The following FHOD3 variants were observed in gnomAD, a reference collection of about 807,000 sequenced individuals.
The protein encoded by FHOD3 is FH1/FH2 domain-containing protein 3.
FHOD3 carries 90 observed loss-of-function variants against 173.0 expected under a neutral mutation model. The observed-to-expected ratio is 0.52, with a 90% CI of 0.44 to 0.62. FHOD3 has a LOEUF of 0.62. Ranked by LOEUF, FHOD3 falls within the 20% of genes least tolerant of loss-of-function variation. The pLI is 0.00. For synonymous variants in FHOD3, 828 were observed against 823.0 expected (o/e 1.01, Z -0.10); for missense variants, 1,945 against 2,034.7 (o/e 0.96, Z 0.85).
intron 5 of FHOD3, among the ~76,000 whole-genome samples, chr18:36,523,229 G>T (rs2146629663): frequency 6.6e-6 from 1 of 152,330 alleles, no homozygotes; most frequent in Non-Finnish European, 1.5e-5. Flanking sequence ...GAGTCTGCAA[G>T]GCTTAAGTGA....
At chr18:36,557,629 T>G (rs1228355323) in intron 5 of FHOD3, among the ~76,000 whole-genome samples, 1 of 152,250 alleles carries the variant, frequency 6.6e-6, no homozygotes, top group East Asian at 1.9e-4. Context: ...CATAATTTCC[T>G]ACTTCTTTGC....
At chr18:36,418,263 C>T (rs2049780719) in intron 3 of FHOD3, among the ~76,000 whole-genome samples, 1 of 152,198 alleles carries the variant, frequency 6.6e-6, no homozygotes, top group Non-Finnish European at 1.5e-5. Context: ...AACAGCTTCA[C>T]ATTTTCATGT....
At chr18:36,426,416 TAAG>T (rs1216914451) in intron 3 of FHOD3, among the ~76,000 whole-genome samples, 1 of 152,102 alleles carries the variant, frequency 6.6e-6, no homozygotes, top group African/African-American at 2.4e-5. Flanking sequence ...TGATACCAGT[TAAG>T]AAGATTTGTC....
intron 3 of FHOD3, among the ~76,000 whole-genome samples, chr18:36,446,656 G>A (rs905215791): frequency 1.3e-5 from 2 of 152,114 alleles, no homozygotes; most frequent in Non-Finnish European, 2.9e-5. Context: ...GGTTGGTCCT[G>A]GAGGAAATTT....
intron 17 of FHOD3, among the ~76,000 whole-genome samples, chr18:36,706,689 TG>T (rs1248155556): frequency 2.0e-5 from 3 of 152,180 alleles, no homozygotes; most frequent in Non-Finnish European, 4.4e-5. Context: ...CCCAGATCCC[TG>T]GGGTGGTGAG....
At chr18:36,778,742 T>A (rs1258248931) in intron 28 of FHOD3, 1 of 152,204 alleles carries the variant, frequency 6.6e-6, no homozygotes, top group Non-Finnish European at 1.5e-5. Context: ...CCAGCCAGAA[T>A]AAGTTTGGCA....
At position 36,730,736 on chromosome 18, in the gene FHOD3, C is replaced by T. The variant is rs978251252; in HGVS notation, c.3508C>T (p.Pro1170Ser). 2 of 1,614,124 alleles carry T rather than the reference C, an allele frequency of 1.2e-6. No homozygotes were observed. Among genetic ancestry groups the T allele is most frequent in the East Asian group, 2.2e-5 (1 of 44,880 alleles). The change falls in exon 20 of 29, where the codon CCT (proline) becomes TCT (serine). Residue 1170 changes from proline to serine, a missense_variant. Physicochemically the swap from Pro to Ser is moderately conservative, Grantham distance 74. Around this residue, in one of 5 missense-constraint regions of FHOD3, gnomAD observed 231 missense variants for 321.9 expected, o/e 0.72. Coordinates refer to ENST00000590592, the MANE Select transcript of FHOD3 (RefSeq NM_001281740.3). ...AINIGLTVLP[P>S]PRTIKIAILN... Reference sequence around the variant, plus strand: ...CAATATTGGTCTGACGGTGCTGCCCCCTCCAAGGACGATTAAGATCGCCAT... The same window carrying T: ...CAATATTGGTCTGACGGTGCTGCCCTCTCCAAGGACGATTAAGATCGCCAT...
At chr18:36,746,244 T>C (rs1376615909) in intron 23 of FHOD3, among the ~76,000 whole-genome samples, 1 of 152,196 alleles carries the variant, frequency 6.6e-6, no homozygotes, top group Non-Finnish European at 1.5e-5. Context: ...CTGGCAACCC[T>C]CACCCACACA....
chr18:36,709,460 A>G, intron 18 of FHOD3, 69 bp downstream of exon 18: 1 of 1,511,458 alleles, frequency 6.6e-7, no homozygotes, highest in Non-Finnish European at 8.9e-7. Flanking sequence ...TGGTTCTCTA[A>G]GAGCTTGTCC....
At chr18:36,678,597 A>G (rs1436283403) in intron 14 of FHOD3, among the ~76,000 whole-genome samples, 3 of 151,368 alleles carry the variant, frequency 2.0e-5, no homozygotes, top group Non-Finnish European at 2.9e-5. Context: ...TAGTTTTTAA[A>G]ATTTTCCTTG....
intron 5 of FHOD3, among the ~76,000 whole-genome samples, chr18:36,543,027 T>A (rs897226527): frequency 1.3e-5 from 2 of 152,218 alleles, no homozygotes; most frequent in African/African-American, 4.8e-5. Flanking sequence ...CCTTCCATTA[T>A]GTGGGTGAAC....
At chr18:36,754,133 T>C (rs2042524402) in intron 24 of FHOD3, among the ~76,000 whole-genome samples, 1 of 152,236 alleles carries the variant, frequency 6.6e-6, no homozygotes, top group Non-Finnish European at 1.5e-5. Context: ...TCTACTTTAT[T>C]TTCTTCTAAG....
At chr18:36,745,475 AG>A (rs2042106407) in intron 23 of FHOD3, among the ~76,000 whole-genome samples, 1 of 152,168 alleles carries the variant, frequency 6.6e-6, no homozygotes, top group African/African-American at 2.4e-5. Flanking sequence ...GCCTCACACC[AG>A]ACACGACACT....
chr18:36,713,863 C>T (rs1293343759), intron 18 of FHOD3, among the ~76,000 whole-genome samples: 2 of 151,998 alleles, frequency 1.3e-5, no homozygotes, highest in Non-Finnish European at 2.9e-5. Context: ...ACAAATAGAA[C>T]AAATAAGACA....
In FHOD3 at chr18:36,763,200, A is replaced by ATATG. The variant is rs2042976677; in HGVS notation, c.4624+2418_4624+2419insTATG. ...TATACGCTATATATGTGTATTATAT[A>ATATG]CGTTATATATGTGTACTATACGTTA... On this transcript the variant is annotated intron_variant, in intron 27 of 28. Coordinates refer to ENST00000590592, the MANE Select transcript of FHOD3 (RefSeq NM_001281740.3). 2.0e-5 allele frequency among the ~76,000 whole-genome samples: 3 copies of ATATG among 148,162 alleles called. No homozygotes were observed. The Admixed American group carries it at 2.0e-4, about 10-fold the overall frequency.
chr18:36,338,841 G>C (rs541377635), intron 1 of FHOD3, among the ~76,000 whole-genome samples: 2 of 152,314 alleles, frequency 1.3e-5, no homozygotes, highest in Admixed American at 1.3e-4. Flanking sequence ...CTGGATCTCA[G>C]TGGGCCTACC....
intron 3 of FHOD3, among the ~76,000 whole-genome samples, chr18:36,377,715 T>G (rs8090238): frequency 0.046 from 7,018 of 152,186 alleles, 551 homozygotes; most frequent in African/African-American, 0.16. Context: ...TGGCCCTCTG[T>G]GGTCTACTCC....
At chr18:36,500,702 G>A (rs935185354) in intron 3 of FHOD3, among the ~76,000 whole-genome samples, 1 of 152,198 alleles carries the variant, frequency 6.6e-6, no homozygotes, top group African/African-American at 2.4e-5. Context: ...CTAGTAAATG[G>A]TGATACCAGG....
chr18:36,709,144 G>C lies in FHOD3; in HGVS notation c.2286G>C (p.Glu762Asp). ...EPESEAEPEA[E>D]AGAGQVADEA... ...AATCAGAGGCAGAACCGGAAGCAGA[G>C]GCAGGGGCGGGGCAGGTTGCTGATG... Residue 762 changes from glutamate (E) to aspartate (D), a missense_variant, in exon 18 of 29, where the codon GAG becomes GAC. Coordinates refer to ENST00000590592, the MANE Select transcript of FHOD3 (RefSeq NM_001281740.3). The C allele has an allele frequency of 6.2e-7, 1 of 1,614,044 alleles. No individual in the cohort carries two copies. Among genetic ancestry groups the C allele is most frequent in the African/African-American group, 1.3e-5 (1 of 75,046 alleles).
Sources: allele counts gnomAD v4.1 joint callset (sites outside exome capture counted in the v4.1 genomes callset), GRCh38; gene constraint gnomAD v4.1.1; regional missense constraint gnomAD v4.1.1; transcripts MANE v1.5; gene names NCBI Gene and HGNC (gene_info 2026-07-23, HGNC 2026-07-21).